DPP10: variants seen among roughly 807,000 people sequenced by gnomAD.
The protein encoded by DPP10 is inactive dipeptidyl peptidase 10.
A neutral mutation model predicts 120.9 loss-of-function variants in DPP10; 33 were observed. The ratio of observed to expected loss-of-function variants is 0.27; its 90% CI spans 0.21 to 0.37. The LOEUF (loss-of-function observed/expected upper bound fraction) is 0.37. Ranked by LOEUF, DPP10 falls within the 10% of genes least tolerant of loss-of-function variation. The pLI, the probability that DPP10 is intolerant of heterozygous loss-of-function variation, is 1.00. For missense variants in DPP10, 816 were observed against 942.8 expected (o/e 0.87, Z 1.76); for synonymous variants, 337 against 326.1 (o/e 1.03, Z -0.36).
At position 114,589,024 on chromosome 2, in the gene DPP10, G is replaced by T. The variant is rs531927353; in HGVS notation, c.60+146186G>T. The stretch of plus-strand genomic sequence containing the variant: ...TACAATTATGCTGTCCGGTAGAAAG[G>T]CAAAGGTTTTTTTGGGGGGGGGGGT... On this transcript the variant is annotated intron_variant, in intron 1 of 25. Transcript: ENST00000410059. Among the ~76,000 whole-genome samples, 6 of 129,792 alleles carry T rather than the reference G, an allele frequency of 4.6e-5. No individual in the cohort carries two copies. In the South Asian group the frequency reaches 1.2e-3, roughly 25 times the overall value. The allele number at this position is 129,792 out of a possible 152,430, so 85.1% of individuals were successfully genotyped here.
At chr2:114,658,144 A>G (rs935447406) in intron 1 of DPP10, among the ~76,000 whole-genome samples, 5 of 152,236 alleles carry the variant, frequency 3.3e-5, no homozygotes, top group African/African-American at 1.2e-4. Context: ...GCACATGTGC[A>G]TAGGAGTATA....
chr2:115,295,224 C>G (rs944977725), intron 1 of DPP10, among the ~76,000 whole-genome samples: 15 of 151,930 alleles, frequency 9.9e-5, no homozygotes, highest in African/African-American at 3.4e-4. Flanking sequence ...GGCTTTGAGG[C>G]GAGTAATTGC....
intron 21 of DPP10, among the ~76,000 whole-genome samples, chr2:115,820,783 T>TAGTA (rs1234651046): frequency 2.7e-5 from 4 of 149,872 alleles, no homozygotes; most frequent in African/African-American, 9.8e-5. Flanking sequence ...TATGGCTGAG[T>TAGTA]AGTATTCCAT....
intron 11 of DPP10, among the ~76,000 whole-genome samples, chr2:115,757,366 C>T (rs920198441): frequency 6.6e-6 from 1 of 151,844 alleles, no homozygotes; most frequent in Non-Finnish European, 1.5e-5. Context: ...ATTAGACTTA[C>T]AGTTCTGCAT....
chr2:114,747,665 C>T (rs1055460773), intron 1 of DPP10, among the ~76,000 whole-genome samples: 4 of 152,156 alleles, frequency 2.6e-5, no homozygotes, highest in Admixed American at 2.0e-4. Context: ...ATGAGTTTCC[C>T]ATTCTTCACA....
chr2:115,116,816 A>G (rs2049533477), intron 1 of DPP10, among the ~76,000 whole-genome samples: 2 of 152,198 alleles, frequency 1.3e-5, no homozygotes, highest in Non-Finnish European at 2.9e-5. Context: ...GGAATGTCAT[A>G]CAATCTTTTC....
At chr2:115,391,474 G>A (rs1461677841) in intron 3 of DPP10, among the ~76,000 whole-genome samples, 2 of 152,084 alleles carry the variant, frequency 1.3e-5, no homozygotes, top group African/African-American at 2.4e-5. Flanking sequence ...TATGTGAAAT[G>A]GCTCACAGCA....
intron 1 of DPP10, among the ~76,000 whole-genome samples, chr2:114,619,798 C>T (rs1371697264): frequency 5.9e-5 from 9 of 151,868 alleles, no homozygotes; most frequent in African/African-American, 1.9e-4. Flanking sequence ...GCAGGGGGCT[C>T]AGATTAAAGG....
chr2:115,116,779 T>C (rs1194444927), intron 1 of DPP10, among the ~76,000 whole-genome samples: 3 of 152,206 alleles, frequency 2.0e-5, no homozygotes, highest in Admixed American at 6.5e-5. Context: ...TATAACATTA[T>C]GCTTTCCTCT....
At chr2:115,175,984 T>G (rs1257117054) in intron 1 of DPP10, among the ~76,000 whole-genome samples, 1 of 152,164 alleles carries the variant, frequency 6.6e-6, no homozygotes, top group East Asian at 1.9e-4. Flanking sequence ...TCTGCATTTA[T>G]AGCAGGTGCC....
intron 1 of DPP10, among the ~76,000 whole-genome samples, chr2:114,885,723 G>T (rs966466497): frequency 6.6e-6 from 1 of 152,172 alleles, no homozygotes; most frequent in South Asian, 2.1e-4. Flanking sequence ...AATGGAGGAG[G>T]TATAAAAATA....
At chr2:115,434,636 T>C (rs2071314572) in intron 3 of DPP10, among the ~76,000 whole-genome samples, 1 of 151,828 alleles carries the variant, frequency 6.6e-6, no homozygotes, top group Non-Finnish European at 1.5e-5. Flanking sequence ...CCAATTAGAG[T>C]AATTGGGATA....
chr2:115,060,877 A>G (rs1278288137), intron 1 of DPP10, among the ~76,000 whole-genome samples: 3 of 152,080 alleles, frequency 2.0e-5, no homozygotes, highest in African/African-American at 7.2e-5. Flanking sequence ...TTTCTGGGAA[A>G]CCTATGGACA....
chr2:115,081,877 T>C (rs969925654), intron 1 of DPP10, among the ~76,000 whole-genome samples: 6 of 152,216 alleles, frequency 3.9e-5, no homozygotes, highest in Admixed American at 1.3e-4. Flanking sequence ...GAAGGAGTCT[T>C]ATTAGACTTC....
intron 1 of DPP10, among the ~76,000 whole-genome samples, chr2:115,056,526 T>A (rs1705927941): frequency 6.6e-6 from 1 of 152,082 alleles, no homozygotes; most frequent in Non-Finnish European, 1.5e-5. Context: ...CATCTTGCTA[T>A]TTTTTTGTTT....
chr2:115,599,133 T>G (rs114826288), intron 5 of DPP10, among the ~76,000 whole-genome samples: 2,234 of 152,222 alleles, frequency 0.015, 64 homozygotes, highest in African/African-American at 0.051. Context: ...TTGAACATTT[T>G]GAGTATGATT....
At chr2:115,782,540 A>G in intron 17 of DPP10, 141 bp downstream of exon 17, 1 of 711,226 alleles carries the variant, frequency 1.4e-6, no homozygotes, top group South Asian at 1.9e-5. Context: ...TATACCATCA[A>G]CTTGACCTTA....
chr2:115,301,733 T>G (rs763883163), intron 1 of DPP10, among the ~76,000 whole-genome samples: 15 of 152,018 alleles, frequency 9.9e-5, no homozygotes, highest in Non-Finnish European at 1.9e-4. Flanking sequence ...CAAATCTGTT[T>G]GTTTGTATTT....
intron 2 of DPP10, among the ~76,000 whole-genome samples, chr2:115,317,475 T>TTA (rs1250832721): frequency 6.6e-6 from 1 of 152,126 alleles, no homozygotes; most frequent in Non-Finnish European, 1.5e-5. Context: ...GTGTTTGGGG[T>TTA]TATATACCTA....
Sources: gnomAD v4.1 joint callset for allele counts (sites outside exome capture counted in the v4.1 genomes callset) on GRCh38, gnomAD v4.1.1 for gene constraint, MANE v1.5 for transcripts, NCBI Gene and HGNC (gene_info 2026-07-23, HGNC 2026-07-21) for gene names.